Variants in KRT6A observed in about 807,000 individuals in gnomAD.
KRT6A encodes the protein keratin, type II cytoskeletal 6A.
KRT6A carries 28 observed loss-of-function variants against 48.6 expected under a neutral mutation model. The observed-to-expected ratio is 0.58, with a 90% confidence interval of 0.43 to 0.79. The LOEUF (loss-of-function observed/expected upper bound fraction) is 0.79. KRT6A is among the 30% of genes least tolerant of loss of function. The probability of loss-of-function intolerance (pLI) is 0.00; values close to 1 mark genes in which losing one functional copy is unlikely to be tolerated. For missense variants in KRT6A, 687 were observed against 724.3 expected (o/e 0.95, Z 0.59); for synonymous variants, 301 against 294.2 (o/e 1.02, Z -0.24).
intron 6 of KRT6A, among the ~76,000 whole-genome samples, chr12:52,489,333 C>T (rs954809589): frequency 1.3e-5 from 2 of 152,160 alleles, no homozygotes; most frequent in Non-Finnish European, 1.5e-5. Flanking sequence ...GGCTGGAGTG[C>T]AGTGGCGCGG....
rs749927485 is a variant in KRT6A at position 52,487,919 on chromosome 12, C to T, written c.1496G>A (p.Gly499Asp). Residue 499 changes from glycine (G) to aspartate (D), a missense_variant, in exon 9 of 9, where the codon GGT (glycine) becomes GAT (aspartate). By Grantham distance (94) the Gly-to-Asp change is moderately conservative. Transcript: ENST00000330722. The stretch of plus-strand genomic sequence containing the variant: ...TAAGCCACTGCCGACACCACTGGCA[C>T]CGCCATAGCCACTGGAGACGGTGGA... Reference protein sequence around the residue: ...VQSTVSSGYGGASGVGSGLGL... With the variant: ...VQSTVSSGYGDASGVGSGLGL... 2 of 1,614,128 alleles carry T rather than the reference C, an allele frequency of 1.2e-6. No homozygotes were observed. The highest frequency in any genetic ancestry group is 1.1e-5 in the South Asian group (1 of 91,084).
Position 52,487,347 on chromosome 12 carries a change from A to C in KRT6A, c.*373T>G. ...TTAGAGAGTTTGAGAGCCAGTGGAA[A>C]GTAAGTGGAAGTTGTTCTGAAATAA... On this transcript the variant is annotated 3_prime_UTR_variant, in exon 9 of 9. Transcript: ENST00000330722. 1 of 311,732 alleles carries C rather than the reference A, an allele frequency of 3.2e-6. No homozygotes were observed. 19.3% of individuals were successfully genotyped at this position (311,732 alleles called of 1,614,324 possible).
chr12:52,491,068 C>T (rs768835004), intron 3 of KRT6A, 44 bp downstream of exon 3: 2 of 1,613,952 alleles, frequency 1.2e-6, no homozygotes, highest in Non-Finnish European at 1.7e-6. Flanking sequence ...AAAGCCACTT[C>T]TCTCCTTCTA....
At chr12:52,488,635 C>G (rs1938196567) in intron 6 of KRT6A, 87 bp from the exon 7 acceptor site, 1 of 1,419,016 alleles carries the variant, frequency 7.0e-7, no homozygotes, top group Admixed American at 1.9e-5. Context: ...GTGAAGGGGC[C>G]AGGAGCCCAG....
rs1263825941 is a variant in KRT6A, at chr12:52,490,917, G to T, written c.853C>A (p.Gln285Lys). The T allele has an allele frequency of 6.2e-7, 1 of 1,613,864 alleles. No individual in the cohort carries two copies. The highest frequency in any genetic ancestry group is 8.5e-7 in the Non-Finnish European group (1 of 1,179,908). The change falls in exon 4 of 9, where the codon CAA becomes AAA. Residue 285 changes from glutamine (Q) to lysine (K), a missense_variant. This residue lies in a region of KRT6A where 566 missense variants were observed against 565.3 expected (regional missense o/e 1.00). Coordinates refer to ENST00000330722, the MANE Select transcript of KRT6A (RefSeq NM_005554.4). ...DAAYMNKVEL[Q>K]AKADTLTDEI... is the part of the protein sequence containing the mutation. Reference sequence around the variant, plus strand: ...TCTGTGAGAGTGTCTGCCTTGGCTTGCAGTTCAACCTTGTTCATGTAGGCA... The same window carrying T: ...TCTGTGAGAGTGTCTGCCTTGGCTTTCAGTTCAACCTTGTTCATGTAGGCA...
At chr12:52,491,391 G>A (rs1381828774) in intron 2 of KRT6A, 131 bp downstream of exon 2, 5 of 1,367,182 alleles carry the variant, frequency 3.7e-6, no homozygotes, top group East Asian at 2.4e-5. Flanking sequence ...TTGCTCCTAG[G>A]GACTAATTTG....
At position 52,492,640 on chromosome 12, in the gene KRT6A, C is replaced by T. The variant is rs72482244; in HGVS notation, c.540+9G>A. 0.11 allele frequency: 184,719 copies of T among 1,613,940 alleles called. 11,755 individuals are homozygous for T. The highest frequency in any genetic ancestry group is 0.23 in the Admixed American group (13,702 of 60,012). ...GAAGTGCCCCATGGAGGGCATGGCA[C>T]TGGCTCACCTTGTCGATGAAGGAGG... On this transcript the variant is annotated intron_variant, in intron 1 of 8. Transcript: ENST00000330722.
intron 1 of KRT6A, among the ~76,000 whole-genome samples, chr12:52,492,116 C>A (rs971388106): frequency 1.3e-5 from 2 of 152,146 alleles, no homozygotes; most frequent in Admixed American, 6.5e-5. Flanking sequence ...AAATGTTGCC[C>A]AATGATTTGA....
Position 52,493,157 on chromosome 12 carries a change from T to C in KRT6A, c.32A>G (p.His11Arg). MASTSTTIRS[H>R]SSSRRGFSAN... ...ACTGAAACCCCGGCGGCTGCTGCTG[T>C]GGCTCCTGATGGTGGTGGATGTGCT... Residue 11 changes from histidine to arginine, a missense_variant, in exon 1 of 9, where the codon CAC (histidine) becomes CGC (arginine). His to Arg is a conservative substitution (Grantham distance 29). This residue lies in a region of KRT6A where 72 missense variants were observed against 61.8 expected (regional missense o/e 1.17). Coordinates refer to ENST00000330722, the MANE Select transcript of KRT6A (RefSeq NM_005554.4). The C allele has an allele frequency of 6.2e-7, 1 of 1,614,112 alleles. No homozygotes were observed. The highest frequency in any genetic ancestry group is 8.5e-7 in the Non-Finnish European group (1 of 1,180,036).
Position 52,488,060 on chromosome 12 carries a change from G to C in KRT6A, c.1459+9C>G. 6.2e-7 allele frequency: 1 copy of C among 1,614,120 alleles called. No individual in the cohort carries two copies. The highest frequency in any genetic ancestry group is 8.5e-7 in the Non-Finnish European group (1 of 1,179,960). Reference sequence around the variant, plus strand: ...AGGGCAGGGGAGGAAGGCAAGCAAAGGTACTTACAGATGTTGACTTGTCCA... The same window carrying C: ...AGGGCAGGGGAGGAAGGCAAGCAAACGTACTTACAGATGTTGACTTGTCCA... On this transcript the variant is annotated intron_variant, in intron 8 of 8. Coordinates refer to ENST00000330722, the MANE Select transcript of KRT6A (RefSeq NM_005554.4).
Position 52,488,457 on chromosome 12 carries a change from T to C in KRT6A, c.1295A>G (p.Asp432Gly), listed in dbSNP as rs1365267868. The C allele has an allele frequency of 6.2e-7, 1 of 1,614,122 alleles. No individual in the cohort carries two copies. Among genetic ancestry groups the C allele is most frequent in the South Asian group, 1.1e-5 (1 of 91,074 alleles). ...GTCCTGCTTGGCCTTCTGCAGGGCA[T>C]CCTCCAGCCCTTCCAGCTTGTTCTT... is the stretch of plus-strand genomic sequence containing the variant. ...DAKNKLEGLEDALQKAKQDLA... is the reference protein window; with the variant it reads ...DAKNKLEGLEGALQKAKQDLA... Residue 432 changes from aspartate to glycine, a missense_variant, in exon 7 of 9, where the codon GAT becomes GGT. Transcript: ENST00000330722.
rs1444406008 is a variant in KRT6A, at chr12:52,491,689, G to A, written c.588C>T (p.Thr196=). Residue 196 remains threonine, a synonymous_variant, in exon 2 of 9, where the codon ACC becomes ACT. Transcript: ENST00000330722. ...QQNKVLETKW[T]LLQEQGTKTV... ...TCTTGGTGCCCTGCTCCTGCAGCAG[G>A]GTCCACTTTGTTTCCAGAACCTTGT... is the stretch of plus-strand genomic sequence containing the variant. The A allele has an allele frequency of 1.9e-6, 3 of 1,614,176 alleles. No individual in the cohort carries two copies. The highest frequency in any genetic ancestry group is 3.3e-5 in the Admixed American group (2 of 60,024).
Position 52,493,219 on chromosome 12 carries a change from T to A in KRT6A, c.-31A>T. On this transcript the variant is annotated 5_prime_UTR_variant, in exon 1 of 9. Coordinates refer to ENST00000330722, the MANE Select transcript of KRT6A (RefSeq NM_005554.4). Reference sequence around the variant, plus strand: ...CAGGAGATGAGAGAGCTGAGGAGAGTGTGAGAGGCTGGAGGAGAGAGGGAA... The same window carrying A: ...CAGGAGATGAGAGAGCTGAGGAGAGAGTGAGAGGCTGGAGGAGAGAGGGAA... The A allele has an allele frequency of 6.2e-7, 1 of 1,613,166 alleles. No homozygotes were observed. The highest frequency in any genetic ancestry group is 1.1e-5 in the South Asian group (1 of 90,998).
chr12:52,491,138 C>G lies in KRT6A; in HGVS notation c.790G>C (p.Glu264Gln). The change falls in exon 3 of 9, where the codon GAG (glutamate) becomes CAG (glutamine). Residue 264 changes from glutamate (E) to glutamine (Q), a missense_variant. Glu to Gln is a conservative substitution (Grantham distance 29). Coordinates refer to ENST00000330722, the MANE Select transcript of KRT6A (RefSeq NM_005554.4). ...EDEINKRTAA[E>Q]NEFVTLKKDV... Reference sequence around the variant, plus strand: ...TTCTTCAGAGTCACAAATTCATTCTCTGCTGCTGTGCGCTTGTTGATTTCA... The same window carrying G: ...TTCTTCAGAGTCACAAATTCATTCTGTGCTGCTGTGCGCTTGTTGATTTCA... 1 of 1,614,002 alleles carries G rather than the reference C, an allele frequency of 6.2e-7. No homozygotes were observed. The highest frequency in any genetic ancestry group is 1.1e-5 in the South Asian group (1 of 91,070).
At chr12:52,489,748 C>T (rs1938222869) in intron 6 of KRT6A, 195 bp downstream of exon 6, 1 of 937,280 alleles carries the variant, frequency 1.1e-6, no homozygotes, top group Admixed American at 2.1e-5. Context: ...GTGACTGGTT[C>T]TCTCATGTGT....
At chr12:52,490,780 A>G (rs1297953229) in intron 4 of KRT6A, 47 bp from the exon 5 acceptor site, 2 of 1,614,008 alleles carry the variant, frequency 1.2e-6, no homozygotes, top group East Asian at 2.2e-5. Flanking sequence ...CGATATTTAC[A>G]GAGATACCCA....
At chr12:52,491,029 A>T (rs1938252556) in intron 3 of KRT6A, 76 bp from the exon 4 acceptor site, 1 of 1,613,694 alleles carries the variant, frequency 6.2e-7, no homozygotes, top group African/African-American at 1.3e-5. Flanking sequence ...CTCCATGCCA[A>T]TTCTCCTCTC....
chr12:52,491,847 G>C, intron 1 of KRT6A, 111 bp from the exon 2 acceptor site: 6 of 1,390,568 alleles, frequency 4.3e-6, no homozygotes, highest in South Asian at 1.2e-5. Context: ...GGCTACTACA[G>C]TGCATGTAGA....
chr12:52,491,762 T>C (rs997968960), intron 1 of KRT6A, 26 bp from the exon 2 acceptor site: 13 of 1,613,840 alleles, frequency 8.1e-6, no homozygotes, highest in Non-Finnish European at 1.1e-5. Flanking sequence ...GATGATCATT[T>C]TCCAGGCAAG....
Sources: allele counts gnomAD v4.1 joint callset (sites outside exome capture counted in the v4.1 genomes callset), GRCh38; gene constraint gnomAD v4.1.1; regional missense constraint gnomAD v4.1.1; transcripts MANE v1.5; gene names NCBI Gene and HGNC (gene_info 2026-07-23, HGNC 2026-07-21).